Variants in DNAJB13 observed in about 807,000 individuals in gnomAD.
The protein encoded by DNAJB13 is dnaJ homolog subfamily B member 13.
In DNAJB13, 22 loss-of-function variants were observed where a neutral mutation model predicts 35.6. The observed-to-expected ratio is 0.62, with a 90% confidence interval of 0.44 to 0.88. DNAJB13 has a LOEUF of 0.88. Ranked by LOEUF, DNAJB13 falls within the 40% of genes least tolerant of loss-of-function variation. The pLI is 0.00. For missense variants in DNAJB13, 370 were observed against 384.3 expected (o/e 0.96, Z 0.31); for synonymous variants, 136 against 144.2 (o/e 0.94, Z 0.41).
chr11:73,954,094 G>T (rs1372204666), intron 1 of DNAJB13, among the ~76,000 whole-genome samples: 1 of 150,912 alleles, frequency 6.6e-6, no homozygotes, highest in Non-Finnish European at 1.5e-5. Flanking sequence ...GGAGGCTGAG[G>T]CAGGTGGACC....
At chr11:73,965,812 G>A (rs1308979085) in intron 4 of DNAJB13, 1 of 300,104 alleles carries the variant, frequency 3.3e-6, no homozygotes, top group Non-Finnish European at 6.4e-6. Context: ...TAGTGGCCAG[G>A]GCTGGAGCTG....
At chr11:73,953,391 C>T (rs1591167686) in intron 1 of DNAJB13, among the ~76,000 whole-genome samples, 1 of 152,158 alleles carries the variant, frequency 6.6e-6, no homozygotes, top group East Asian at 1.9e-4. Context: ...GAGCTTTATT[C>T]AGCTGGGAGC....
chr11:73,959,599 A>T lies in DNAJB13; in HGVS notation c.278A>T (p.His93Leu). The change falls in exon 3 of 8, where the codon CAT becomes CTT. Residue 93 changes from histidine (H) to leucine (L), a missense_variant. Physicochemically the swap from His to Leu is moderately conservative, Grantham distance 99. Coordinates refer to ENST00000339764, the MANE Select transcript of DNAJB13 (RefSeq NM_153614.4). ...QTPWTTGYVF[H>L]GKPEKVFHEF... ...CCATGGACAACTGGTTACGTCTTCC[A>T]TGGCAAACCTGAAAAGGTGTTCCAC... 1 of 1,614,246 alleles carries T rather than the reference A, an allele frequency of 6.2e-7. No individual in the cohort carries two copies. The highest frequency in any genetic ancestry group is 8.5e-7 in the Non-Finnish European group (1 of 1,180,042).
At chr11:73,955,000 T>C (rs930507915) in intron 1 of DNAJB13, among the ~76,000 whole-genome samples, 7 of 152,026 alleles carry the variant, frequency 4.6e-5, no homozygotes, top group African/African-American at 1.7e-4. Flanking sequence ...AAGAACTATG[T>C]AGGTTTCAAA....
intron 1 of DNAJB13, among the ~76,000 whole-genome samples, chr11:73,954,337 T>TA (rs1200832224): frequency 1.8e-5 from 2 of 111,400 alleles, no homozygotes; most frequent in African/African-American, 6.9e-5. Context: ...AAAAAATAAA[T>TA]AAAAAAAAGT....
intron 6 of DNAJB13, 43 bp from the exon 7 acceptor site, chr11:73,969,203 G>T: frequency 1.3e-6 from 1 of 781,888 alleles, no homozygotes; most frequent in South Asian, 1.7e-5. Context: ...GGAGAGCCAT[G>T]GTGACCCTCC....
intron 2 of DNAJB13, 89 bp downstream of exon 2, chr11:73,958,509 C>T (rs1222770213): frequency 2.5e-6 from 3 of 1,178,580 alleles, no homozygotes; most frequent in African/African-American, 1.5e-5. Flanking sequence ...GGCCCAATAA[C>T]GAGGAAGCAT....
chr11:73,952,536 A>C, intron 1 of DNAJB13, among the ~76,000 whole-genome samples: 1 of 152,204 alleles, frequency 6.6e-6, no homozygotes, highest in Middle Eastern at 3.2e-3. Context: ...GTAGGGGATC[A>C]GTGGCATAAG....
chr11:73,961,358 A>G (rs1461272723), intron 3 of DNAJB13, among the ~76,000 whole-genome samples: 1 of 152,184 alleles, frequency 6.6e-6, no homozygotes, highest in East Asian at 1.9e-4. Flanking sequence ...CCTGTAGGAA[A>G]TCTTCCAAGA....
chr11:73,959,763 ATTTAC>A, intron 3 of DNAJB13, 108 bp downstream of exon 3: 1 of 960,592 alleles, frequency 1.0e-6, no homozygotes, highest in Non-Finnish European at 1.4e-6. Flanking sequence ...ATTTTATTTT[ATTTAC>A]TTATTTTTTT....
intron 2 of DNAJB13, 130 bp downstream of exon 2, chr11:73,958,550 A>G: frequency 2.3e-6 from 2 of 869,158 alleles, no homozygotes; most frequent in Non-Finnish European, 1.8e-6. Context: ...CTAGACACAC[A>G]GAGAAGACAG....
chr11:73,968,487 G>A (rs763524103), intron 6 of DNAJB13, 29 bp downstream of exon 6: 2 of 1,594,478 alleles, frequency 1.3e-6, no homozygotes, highest in Admixed American at 3.4e-5. Flanking sequence ...GGAGCAGCGG[G>A]GAGGAGATCA....
At position 73,964,815 on chromosome 11, in the gene DNAJB13, G is replaced by GCGCGCC. The variant is rs1554992103; in HGVS notation, c.335-58_335-57insCCGCGC. 8.5e-3 allele frequency: 8,252 copies of GCGCGCC among 974,128 alleles called. 437 individuals carry two copies. Among genetic ancestry groups the GCGCGCC allele is most frequent in the African/African-American group, 0.06 (3,050 of 51,028 alleles). The allele number at this position is 974,128 out of a possible 1,614,324, so 60.3% of individuals were successfully genotyped here. On this transcript the variant is annotated intron_variant, in intron 3 of 7. Transcript: ENST00000339764. ...TGTGTGTGTGTGTGTGTGTGTGTGCGCGCGCGCGCATGTCTGGGTCTCTGG... is the reference window on the plus strand; with the variant it reads ...TGTGTGTGTGTGTGTGTGTGTGTGCGCGCGCCCGCGCGCGCATGTCTGGGTCTCTGG...
intron 1 of DNAJB13, among the ~76,000 whole-genome samples, chr11:73,952,063 G>A (rs569502407): frequency 6.0e-4 from 92 of 152,306 alleles, no homozygotes; most frequent in Middle Eastern, 6.8e-3. Context: ...ATCCGACATC[G>A]ACACTCCCTT....
chr11:73,964,887 A>T lies in DNAJB13; in HGVS notation c.344A>T (p.Asp115Val). The change falls in exon 4 of 8, where the codon GAT (aspartate) becomes GTT (valine). Residue 115 changes from aspartate (D) to valine (V), a missense_variant. Asp to Val is a radical substitution (Grantham distance 152). Coordinates refer to ENST00000339764, the MANE Select transcript of DNAJB13 (RefSeq NM_153614.4). ...TCCCTACCTCCTGCAGAGTTTTTTG[A>T]TGCAGAAGGAAGTGAGGTAGATTTG... ...GGNNPFSEFFDAEGSEVDLNF... is the reference protein window; with the variant it reads ...GGNNPFSEFFVAEGSEVDLNF... The T allele has an allele frequency of 6.2e-7, 1 of 1,612,166 alleles. No individual in the cohort carries two copies. Among genetic ancestry groups the T allele is most frequent in the Non-Finnish European group, 8.5e-7 (1 of 1,179,558 alleles).
chr11:73,958,441 G>A, intron 2 of DNAJB13, 21 bp downstream of exon 2: 4 of 1,604,686 alleles, frequency 2.5e-6, no homozygotes, highest in Non-Finnish European at 3.4e-6. Flanking sequence ...GTGGGGCTGA[G>A]CACCCCGCTT....
intron 3 of DNAJB13, among the ~76,000 whole-genome samples, chr11:73,960,649 A>G (rs1291189046): frequency 6.6e-6 from 1 of 152,232 alleles, no homozygotes; most frequent in Non-Finnish European, 1.5e-5. Flanking sequence ...CCTCAGAAGC[A>G]GCTACTAGGG....
chr11:73,967,940 G>A (rs910661992), intron 5 of DNAJB13: 13 of 295,460 alleles, frequency 4.4e-5, no homozygotes, highest in Admixed American at 2.9e-4. Flanking sequence ...TGTCCCCAGC[G>A]CCCAGAAGAG....
intron 1 of DNAJB13, among the ~76,000 whole-genome samples, chr11:73,957,596 C>G (rs949904365): frequency 6.6e-6 from 1 of 152,148 alleles, no homozygotes; most frequent in African/African-American, 2.4e-5. Flanking sequence ...TTTAACCACC[C>G]GTTGAAGTCA....
Sources: gnomAD v4.1 joint callset for allele counts (sites outside exome capture counted in the v4.1 genomes callset) on GRCh38, gnomAD v4.1.1 for gene constraint, MANE v1.5 for transcripts, NCBI Gene and HGNC (gene_info 2026-07-23, HGNC 2026-07-21) for gene names.